PXK: variants seen among roughly 807,000 people sequenced by gnomAD.
PXK encodes the protein PX domain-containing protein kinase-like protein.
Under a neutral mutation model 84.7 loss-of-function variants are expected in PXK, and 35 were observed. That is an observed-to-expected ratio of 0.41 (90% CI 0.32 to 0.55). The LOEUF (loss-of-function observed/expected upper bound fraction) is 0.55, where lower values mean the gene tolerates loss of function less well. PXK is among the 20% of genes least tolerant of loss of function. The probability of loss-of-function intolerance (pLI) is 0.21; values close to 1 mark genes in which losing one functional copy is unlikely to be tolerated. For synonymous variants in PXK, 253 were observed against 260.8 expected (o/e 0.97, Z 0.29); for missense variants, 634 against 699.7 (o/e 0.91, Z 1.06).
chr3:58,350,811 G>T (rs1350979878), intron 1 of PXK, among the ~76,000 whole-genome samples: 1 of 152,188 alleles, frequency 6.6e-6, no homozygotes, highest in Non-Finnish European at 1.5e-5. Context: ...GTGTACTGTG[G>T]TCACTTCCAC....
At chr3:58,403,793 C>T (rs1388892084) in intron 12 of PXK, 69 bp from the exon 13 acceptor site, 1 of 1,039,776 alleles carries the variant, frequency 9.6e-7, no homozygotes, top group East Asian at 2.6e-5. Context: ...GTGTCTTAAT[C>T]TGCTTTCATC....
chr3:58,348,754 T>TAAA lies in PXK; in HGVS notation c.102+15676_102+15678dup, dbSNP rs765768894. Among the ~76,000 whole-genome samples the TAAA allele has an allele frequency of 9.9e-3, 1,370 of 138,424 alleles. 22 individuals are homozygous for TAAA. The highest frequency in any genetic ancestry group is 0.034 in the African/African-American group (1,298 of 37,840). 90.8% of individuals were successfully genotyped at this position (138,424 alleles called of 152,430 possible). A position where few individuals can be genotyped will look rare whatever the true frequency, so the allele number is the denominator to read the frequency against. ...AGCAAGATCTAGTCTCTACAAAACTTAAAAAAAAAAAAAAGTCAGGTGTGG... is the reference window on the plus strand; with the variant it reads ...AGCAAGATCTAGTCTCTACAAAACTTAAAAAAAAAAAAAAAAAGTCAGGTGTGG... On this transcript the variant is annotated intron_variant, in intron 1 of 17. Transcript: ENST00000356151.
chr3:58,388,714 T>G (rs2098592295), intron 4 of PXK, among the ~76,000 whole-genome samples: 1 of 152,330 alleles, frequency 6.6e-6, no homozygotes, highest in Admixed American at 6.5e-5. Context: ...CAATGACACT[T>G]TACATATTGA....
chr3:58,369,580 C>T (rs985012769), intron 3 of PXK, 102 bp downstream of exon 3: 9 of 882,318 alleles, frequency 1.0e-5, no homozygotes, highest in Non-Finnish European at 1.6e-5. Context: ...AATCCCAGCA[C>T]TTGGGGAGGC....
chr3:58,368,403 A>G (rs1426858370), intron 2 of PXK, among the ~76,000 whole-genome samples: 2 of 152,052 alleles, frequency 1.3e-5, no homozygotes, highest in Non-Finnish European at 2.9e-5. Flanking sequence ...GCTCACTGCA[A>G]TCTCTGCCTC....
intron 13 of PXK, among the ~76,000 whole-genome samples, chr3:58,404,426 C>T (rs1366667595): frequency 6.6e-6 from 1 of 152,178 alleles, no homozygotes; most frequent in Non-Finnish European, 1.5e-5. Context: ...CATCCCTAAC[C>T]TCACCACTAG....
At position 58,409,226 on chromosome 3, in the gene PXK, G is replaced by C. The variant is rs1346116829; in HGVS notation, c.1308+225G>C. On this transcript the variant is annotated intron_variant, in intron 14 of 17. Coordinates refer to ENST00000356151, the MANE Select transcript of PXK (RefSeq NM_017771.5). This position sits in a 1 kb window ranked among gnomAD's most constrained non-coding sequence, Gnocchi z 4.2. Reference sequence around the variant, plus strand: ...CAAACATGTCCAGGAAGGGCAGTCTGGGTTTCTGATCAGAGCATGCCGGCC... The same window carrying C: ...CAAACATGTCCAGGAAGGGCAGTCTCGGTTTCTGATCAGAGCATGCCGGCC... Among the ~76,000 whole-genome samples the C allele has an allele frequency of 6.6e-6, 1 of 152,196 alleles. No homozygotes were observed.
chr3:58,358,605 C>T (rs1213912140), intron 1 of PXK, among the ~76,000 whole-genome samples: 3 of 152,194 alleles, frequency 2.0e-5, no homozygotes, highest in Non-Finnish European at 4.4e-5. Context: ...GGTACTTTGA[C>T]ATTTGGGGTC....
intron 4 of PXK, among the ~76,000 whole-genome samples, chr3:58,386,290 C>CTTTTTTTATTTTT (rs2098550264): frequency 1.2e-5 from 1 of 82,252 alleles, no homozygotes; most frequent in Admixed American, 1.9e-4. Flanking sequence ...ATCCCCCTTA[C>CTTTTTTTATTTTT]TTTTTTTTTT....
intron 1 of PXK, among the ~76,000 whole-genome samples, chr3:58,340,383 A>ATTT: frequency 6.7e-6 from 1 of 150,326 alleles, no homozygotes; most frequent in Non-Finnish European, 1.5e-5. Flanking sequence ...TTGGCCTCCC[A>ATTT]AAGTGCTGGG....
intron 17 of PXK, among the ~76,000 whole-genome samples, chr3:58,418,676 C>G (rs534542726): frequency 2.6e-4 from 40 of 152,276 alleles, no homozygotes; most frequent in African/African-American, 9.4e-4. Context: ...GCTTTATAAG[C>G]GGTAAAGCAC....
chr3:58,391,714 A>C lies in PXK; in HGVS notation c.541-59A>C, dbSNP rs751533392. 1.5e-5 allele frequency: 22 copies of C among 1,435,438 alleles called. 1 individual carries two copies. The highest frequency in any genetic ancestry group is 2.1e-5 in the Non-Finnish European group (21 of 1,020,320). The allele number at this position is 1,435,438 out of a possible 1,614,324, so 88.9% of individuals were successfully genotyped here. On this transcript the variant is annotated intron_variant, in intron 6 of 17. Transcript: ENST00000356151. ...GGATAATAAAATTAAAGGGAAAGAC[A>C]AGGAATTTTTCTTTTGGTGACCAAA...
In PXK at chr3:58,333,097, G is replaced by C. The variant is rs1431499711; in HGVS notation, c.102+7G>C. On this transcript the variant is annotated splice_region_variant and intron_variant, in intron 1 of 17. Transcript: ENST00000356151. The surrounding 1 kb of genome is among the most constrained non-coding windows in gnomAD (Gnocchi z 5.4). ...GAGCCTGCAGTCCCACACGGTGCGCGGCCCAGCGGGCGGGCGGGCGGCGTG... is the reference window on the plus strand; with the variant it reads ...GAGCCTGCAGTCCCACACGGTGCGCCGCCCAGCGGGCGGGCGGGCGGCGTG... 8.5e-7 allele frequency: 1 copy of C among 1,172,626 alleles called. No individual in the cohort carries two copies. Among genetic ancestry groups the C allele is most frequent in the South Asian group, 3.0e-5 (1 of 33,088 alleles). 72.6% of individuals were successfully genotyped at this position (1,172,626 alleles called of 1,614,324 possible).
intron 3 of PXK, among the ~76,000 whole-genome samples, chr3:58,377,223 C>G (rs1292409055): frequency 6.6e-6 from 1 of 151,704 alleles, no homozygotes; most frequent in Non-Finnish European, 1.5e-5. Context: ...TATCCGCCAA[C>G]CTTTTCATCT....
chr3:58,356,538 C>G (rs150756869), intron 1 of PXK, among the ~76,000 whole-genome samples: 99 of 152,194 alleles, frequency 6.5e-4, no homozygotes, highest in African/African-American at 2.0e-3. Flanking sequence ...TGCTGGTCTC[C>G]AGGGCTCTCT....
chr3:58,373,630 C>G (rs1347405601), intron 3 of PXK, among the ~76,000 whole-genome samples: 1 of 152,252 alleles, frequency 6.6e-6, no homozygotes, highest in East Asian at 1.9e-4. Flanking sequence ...TCATGAAGAT[C>G]TGATGTTGGA....
intron 1 of PXK, among the ~76,000 whole-genome samples, chr3:58,336,851 AC>A (rs1290507252): frequency 6.6e-6 from 1 of 152,108 alleles, no homozygotes; most frequent in Non-Finnish European, 1.5e-5. Context: ...TCGCTCTGTC[AC>A]CAGACTAGAG....
At position 58,378,492 on chromosome 3, in the gene PXK, C is replaced by CTTT. The variant is rs1159247642; in HGVS notation, c.202-4003_202-4001dup. ...ATTGGATTTGGACTTCATTTTTCTT[C>CTTT]TTTTTTTTTTTTTTTTTTTTTGTGT... On this transcript the variant is annotated intron_variant, in intron 3 of 17. Transcript: ENST00000356151. Among the ~76,000 whole-genome samples the CTTT allele has an allele frequency of 2.1e-4, 5 of 24,316 alleles. 1 individual carries two copies. The highest frequency in any genetic ancestry group is 2.8e-4 in the African/African-American group (2 of 7,142). The allele number at this position is 24,316 out of a possible 152,430, so 16.0% of individuals were successfully genotyped here.
At chr3:58,384,788 G>A (rs1271333715) in intron 4 of PXK, among the ~76,000 whole-genome samples, 2 of 152,216 alleles carry the variant, frequency 1.3e-5, no homozygotes, top group African/African-American at 4.8e-5. Context: ...AATGTGATGT[G>A]TGCTGGGTGT....
Sources: gnomAD v4.1 joint callset for allele counts (sites outside exome capture counted in the v4.1 genomes callset) on GRCh38, gnomAD v4.1.1 for gene constraint, Gnocchi (gnomAD v3.1) non-coding constraint, MANE v1.5 for transcripts, NCBI Gene and HGNC (gene_info 2026-07-23, HGNC 2026-07-21) for gene names.